Variants in KIF5B observed in about 807,000 individuals in gnomAD.
KIF5B encodes the protein kinesin family member 5B, also known as kinesin-1 heavy chain.
KIF5B carries 49 observed loss-of-function variants against 132.8 expected under a neutral mutation model. The observed-to-expected ratio is 0.37, with a 90% CI of 0.29 to 0.47. The LOEUF is 0.47. Among genes scored for constraint, KIF5B ranks in the 20% least tolerant of loss-of-function variants. The pLI is 1.00. For missense variants in KIF5B, 780 were observed against 1,144.0 expected, an observed-to-expected ratio of 0.68 and a Z score of 4.59; for synonymous variants, 355 against 369.4, an observed-to-expected ratio of 0.96 and a Z score of 0.45.
rs143812500 is a variant in KIF5B at position 32,017,056 on chromosome 10, C to A, written c.2761+87G>T. 5,078 of 1,076,348 alleles carry A rather than the reference C, an allele frequency of 4.7e-3. 21 individuals are homozygous for A. Among genetic ancestry groups the A allele is most frequent in the Non-Finnish European group, 6.2e-3 (4,332 of 698,472 alleles). 66.7% of individuals were successfully genotyped at this position (1,076,348 alleles called of 1,614,324 possible). A position where few individuals can be genotyped will look rare whatever the true frequency, so the allele number is the denominator to read the frequency against. ...GAAAATAGAGACAGATGCACCATGA[C>A]AACACATAAAATTCGGATTACGTTT... On this transcript the variant is annotated intron_variant, in intron 24 of 25. Coordinates refer to ENST00000302418, the MANE Select transcript of KIF5B (RefSeq NM_004521.3).
At chr10:32,029,241 C>T (rs1402132010) in intron 14 of KIF5B, among the ~76,000 whole-genome samples, 1 of 152,108 alleles carries the variant, frequency 6.6e-6, no homozygotes, top group Admixed American at 6.5e-5. Context: ...CCGAAGTGCT[C>T]GAAAATCTGG....
chr10:32,029,488 G>T (rs1378306242), intron 14 of KIF5B, among the ~76,000 whole-genome samples: 1 of 152,094 alleles, frequency 6.6e-6, no homozygotes, highest in African/African-American at 2.4e-5. Context: ...TCTTATGGTA[G>T]TTCGTCATTT....
intron 15 of KIF5B, 34 bp downstream of exon 15, chr10:32,028,394 A>G (rs1841359248): frequency 6.4e-7 from 1 of 1,556,530 alleles, no homozygotes; most frequent in Non-Finnish European, 8.8e-7. Flanking sequence ...GTGTATACAG[A>G]TAATTGTCCT....
chr10:32,040,032 G>C (rs1841512059), intron 3 of KIF5B, among the ~76,000 whole-genome samples: 1 of 152,114 alleles, frequency 6.6e-6, no homozygotes, highest in Non-Finnish European at 1.5e-5. Context: ...GGAAGGAGGA[G>C]CCAAGGAGAA....
Position 32,055,991 on chromosome 10 carries a change from C to G in KIF5B, c.-18G>C. The G allele has an allele frequency of 6.3e-7, 1 of 1,598,880 alleles. No homozygotes were observed. Among genetic ancestry groups the G allele is most frequent in the African/African-American group, 1.3e-5 (1 of 74,990 alleles). On this transcript the variant is annotated 5_prime_UTR_variant, in exon 1 of 26. Transcript: ENST00000302418. ...TCCGCCATCTTTCTCGCAGCCGGGG[C>G]CGGCGGCCGGGAGCCACTCCCCGCC...
At chr10:32,029,601 A>T (rs1473298445) in intron 14 of KIF5B, among the ~76,000 whole-genome samples, 2 of 152,188 alleles carry the variant, frequency 1.3e-5, no homozygotes, top group African/African-American at 2.4e-5. Context: ...CTTCTACCAT[A>T]ATTGTTTAAA....
chr10:32,033,857 C>T lies in KIF5B; in HGVS notation c.1293G>A (p.Gln431=), dbSNP rs138733858. The change falls in exon 12 of 26, where the codon CAG becomes CAA. Residue 431 remains glutamine, a synonymous_variant. Coordinates refer to ENST00000302418, the MANE Select transcript of KIF5B (RefSeq NM_004521.3). ...AAGCAATACCTACCTTGTCATCAAGCTGTTTGTATAATTTAGCAATTTCTT... is the reference window on the plus strand; with the variant it reads ...AAGCAATACCTACCTTGTCATCAAGTTGTTTGTATAATTTAGCAATTTCTT... ...CEEEIAKLYK[Q]LDDKDEEINQ... is the part of the protein sequence containing the mutation. The T allele has an allele frequency of 4.9e-5, 79 of 1,610,484 alleles. No individual in the cohort carries two copies. In the African/African-American group the frequency reaches 9.5e-4, roughly 19 times the overall value.
At chr10:32,018,443 A>G in intron 21 of KIF5B, 56 bp from the exon 22 acceptor site, 1 of 1,589,248 alleles carries the variant, frequency 6.3e-7, no homozygotes, top group Non-Finnish European at 8.5e-7. Flanking sequence ...TAGAATAATC[A>G]TGGTAGAAAA....
chr10:32,016,493 CAAA>C (rs201482827), intron 24 of KIF5B, among the ~76,000 whole-genome samples: 4 of 151,532 alleles, frequency 2.6e-5, no homozygotes. Context: ...AAATAAAACA[CAAA>C]AAAAACACTT....
intron 25 of KIF5B, among the ~76,000 whole-genome samples, chr10:32,014,864 T>C (rs1841136878): frequency 2.0e-5 from 3 of 152,252 alleles, no homozygotes; most frequent in African/African-American, 7.2e-5. Context: ...GGCTCACGCC[T>C]CTAATTCCAG....
intron 25 of KIF5B, 32 bp downstream of exon 25, chr10:32,015,477 C>G: frequency 6.8e-7 from 1 of 1,469,474 alleles, no homozygotes; most frequent in Non-Finnish European, 9.1e-7. Flanking sequence ...TTTCCACAAA[C>G]AGATATGAAA....
chr10:32,034,644 A>C, intron 11 of KIF5B, 46 bp downstream of exon 11: 1 of 1,431,662 alleles, frequency 7.0e-7, no homozygotes, highest in Non-Finnish European at 9.3e-7. Flanking sequence ...CTATGCTCTA[A>C]ATCTGTATTT....
At chr10:32,055,793 C>G (rs1486226941) in intron 1 of KIF5B, 55 bp downstream of exon 1, 1 of 1,597,046 alleles carries the variant, frequency 6.3e-7, no homozygotes, top group East Asian at 2.2e-5. Context: ...CCTAAACTCC[C>G]CGCACAGGCC....
At chr10:32,018,268 A>ATTACC in intron 22 of KIF5B, 48 bp downstream of exon 22, 1 of 1,456,612 alleles carries the variant, frequency 6.9e-7, no homozygotes, top group Non-Finnish European at 9.2e-7. Flanking sequence ...AATTACCTAG[A>ATTACC]AGTAAGCACC....
chr10:32,036,010 C>G lies in KIF5B; in HGVS notation c.712-16G>C. 1 of 1,486,434 alleles carries G rather than the reference C, an allele frequency of 6.7e-7. No individual in the cohort carries two copies. Among genetic ancestry groups the G allele is most frequent in the Non-Finnish European group, 9.1e-7 (1 of 1,100,214 alleles). The allele number at this position is 1,486,434 out of a possible 1,614,324, so 92.1% of individuals were successfully genotyped here. On this transcript the variant is annotated splice_polypyrimidine_tract_variant and intron_variant, in intron 8 of 25. Coordinates refer to ENST00000302418, the MANE Select transcript of KIF5B (RefSeq NM_004521.3). Reference sequence around the variant, plus strand: ...TTTTACTAACCTATACATAAGATTTCAAAAGAATGAAACAAAATTACAAGT... The same window carrying G: ...TTTTACTAACCTATACATAAGATTTGAAAAGAATGAAACAAAATTACAAGT...
At chr10:32,029,769 G>A (rs746626785) in intron 14 of KIF5B, among the ~76,000 whole-genome samples, 2 of 151,992 alleles carry the variant, frequency 1.3e-5, no homozygotes, top group Non-Finnish European at 2.9e-5. Context: ...TAAAATCAGC[G>A]GCCAAGGACC....
At chr10:32,047,253 AC>A (rs1841624035) in intron 2 of KIF5B, among the ~76,000 whole-genome samples, 1 of 151,368 alleles carries the variant, frequency 6.6e-6, no homozygotes, top group South Asian at 2.1e-4. Context: ...GAGATCTACA[AC>A]CCACTAATGT....
rs768847718 is a variant in KIF5B at position 32,033,841 on chromosome 10, C to T, written c.1305+4G>A. 1.2e-6 allele frequency: 2 copies of T among 1,603,046 alleles called. No homozygotes were observed. The highest frequency in any genetic ancestry group is 8.5e-7 in the Non-Finnish European group (1 of 1,171,238). On this transcript the variant is annotated splice_donor_region_variant and intron_variant, in intron 12 of 25. Coordinates refer to ENST00000302418, the MANE Select transcript of KIF5B (RefSeq NM_004521.3). ...AAAGCAGACCTAAATCAAGCAATAC[C>T]TACCTTGTCATCAAGCTGTTTGTAT...
chr10:32,039,227 G>GA, intron 4 of KIF5B, 100 bp downstream of exon 4: 1 of 569,252 alleles, frequency 1.8e-6, no homozygotes, highest in Non-Finnish European at 3.0e-6. Flanking sequence ...TACCTTTCCA[G>GA]AAAAACAATT....
Sources: gnomAD v4.1 joint callset for allele counts (sites outside exome capture counted in the v4.1 genomes callset) on GRCh38, gnomAD v4.1.1 for gene constraint, MANE v1.5 for transcripts, NCBI Gene and HGNC (gene_info 2026-07-23, HGNC 2026-07-21) for gene names.